IFT122: variants seen among roughly 807,000 people sequenced by gnomAD.
IFT122 encodes intraflagellar transport 122, also known as intraflagellar transport protein 122 homolog.
Under a neutral mutation model 161.6 loss-of-function variants are expected in IFT122, and 118 were observed. The observed-to-expected ratio is 0.73, with a 90% CI of 0.63 to 0.85. IFT122 has a LOEUF of 0.85. Among genes scored for constraint, IFT122 ranks in the 40% least tolerant of loss-of-function variants. IFT122 has a pLI of 0.00. For synonymous variants in IFT122, 550 were observed against 602.4 expected, an observed-to-expected ratio of 0.91 and a Z score of 1.27; for missense variants, 1,381 against 1,579.6, an observed-to-expected ratio of 0.87 and a Z score of 2.13.
chr3:129,504,156 T>G, intron 20 of IFT122, 163 bp from the exon 21 acceptor site: 1 of 646,126 alleles, frequency 1.5e-6, no homozygotes, highest in Admixed American at 2.5e-5. Flanking sequence ...AGAGCTGATT[T>G]GTTTTTGCAT....
In IFT122 at chr3:129,461,242, T is replaced by C; in HGVS notation, c.287T>C (p.Ile96Thr). 1.2e-6 allele frequency: 2 copies of C among 1,612,966 alleles called. No homozygotes were observed. Among genetic ancestry groups the C allele is most frequent in the South Asian group, 1.1e-5 (1 of 91,070 alleles). ...GILKYTHNDA[I>T]QCVSYNPITH... The stretch of plus-strand genomic sequence containing the variant: ...TTACTTCCCAGGCACAATGATGCTA[T>C]ACAATGTGTCTCCTACAATCCTATT... Residue 96 changes from isoleucine to threonine, a missense_variant, in exon 5 of 30, where the codon ATA (isoleucine) becomes ACA (threonine). Around this residue, in one of 7 missense-constraint regions of IFT122, gnomAD observed 134 missense variants for 137.4 expected, o/e 0.98. Transcript: ENST00000348417.
chr3:129,469,098 A>T (rs2077097578), intron 8 of IFT122, among the ~76,000 whole-genome samples: 2 of 152,230 alleles, frequency 1.3e-5, no homozygotes, highest in South Asian at 4.1e-4. Flanking sequence ...CCCCAGCACC[A>T]TAAGGTCATA....
chr3:129,490,438 C>T (rs770219282), intron 16 of IFT122, among the ~76,000 whole-genome samples: 14 of 152,156 alleles, frequency 9.2e-5, no homozygotes, highest in Non-Finnish European at 1.9e-4. Context: ...CCTCCCTATT[C>T]CCAGGCTTCC....
At chr3:129,477,292 C>T (rs1408456017) in intron 11 of IFT122, among the ~76,000 whole-genome samples, 1 of 152,160 alleles carries the variant, frequency 6.6e-6, no homozygotes, top group Non-Finnish European at 1.5e-5. Flanking sequence ...CCCGGCCTCG[C>T]ATAGTCATTC....
chr3:129,444,216 A>T (rs542845338), intron 1 of IFT122, among the ~76,000 whole-genome samples: 2 of 152,316 alleles, frequency 1.3e-5, no homozygotes, highest in South Asian at 2.1e-4. Flanking sequence ...TTATTCCGCC[A>T]TGCTGCTTCT....
intron 1 of IFT122, among the ~76,000 whole-genome samples, chr3:129,443,624 A>G (rs920466359): frequency 2.0e-5 from 3 of 152,256 alleles, no homozygotes; most frequent in African/African-American, 7.2e-5. Flanking sequence ...TGGGTCCACA[A>G]ATATGTAGAA....
Position 129,459,487 on chromosome 3 carries a change from C to T in IFT122, c.272+810C>T, listed in dbSNP as rs1357665329. 6 of 306,946 alleles carry T rather than the reference C, an allele frequency of 2.0e-5. No homozygotes were observed. In the Admixed American group the frequency reaches 2.8e-4, roughly 14 times the overall value. 19.0% of individuals were successfully genotyped at this position (306,946 alleles called of 1,614,324 possible). On this transcript the variant is annotated intron_variant, in intron 4 of 29. Coordinates refer to ENST00000348417, the MANE Select transcript of IFT122 (RefSeq NM_052989.3). ...TGTATTTTTAGTAGAGATGGGGTTT[C>T]ACCATGTTAGCTAGGATGGTCTCGA...
At chr3:129,513,266 G>C (rs2083055239) in intron 24 of IFT122, 1 of 152,172 alleles carries the variant, frequency 6.6e-6, no homozygotes, top group Non-Finnish European at 1.5e-5. Context: ...TGGATGTCAG[G>C]AGACATAATT....
At chr3:129,485,581 G>A (rs753553484) in intron 15 of IFT122, among the ~76,000 whole-genome samples, 16 of 152,190 alleles carry the variant, frequency 1.1e-4, no homozygotes, top group Non-Finnish European at 1.8e-4. Context: ...ACAAACCCAC[G>A]CACCACATCC....
intron 23 of IFT122, among the ~76,000 whole-genome samples, chr3:129,509,351 C>T (rs901453471): frequency 1.3e-5 from 2 of 152,156 alleles, no homozygotes; most frequent in Non-Finnish European, 1.5e-5. Flanking sequence ...GGATCAGCTT[C>T]GATGATTGCT....
At position 129,481,563 on chromosome 3, in the gene IFT122, A is replaced by G. The variant is rs1417822661; in HGVS notation, c.1522A>G (p.Ile508Val). 3 of 1,588,428 alleles carry G rather than the reference A, an allele frequency of 1.9e-6. No homozygotes were observed. Among genetic ancestry groups the G allele is most frequent in the East Asian group, 4.5e-5 (2 of 44,754 alleles). ...GATCTTCGTGGACAATCTCTTTGCT[A>G]TCGTCCTGCTGAAGCAGGCCACAGC... ...LKIFVDNLFA[I>V]VLLKQATAVR... is the part of the protein sequence containing the mutation. Residue 508 changes from isoleucine to valine, a missense_variant, in exon 14 of 30, where the codon ATC becomes GTC. Physicochemically the swap from Ile to Val is conservative, Grantham distance 29. Coordinates refer to ENST00000348417, the MANE Select transcript of IFT122 (RefSeq NM_052989.3).
At chr3:129,511,928 CTTGAG>C (rs1296331734) in intron 23 of IFT122, among the ~76,000 whole-genome samples, 1 of 152,184 alleles carries the variant, frequency 6.6e-6, no homozygotes, top group African/African-American at 2.4e-5. Flanking sequence ...TTGGAGACAA[CTTGAG>C]TAGTTCAGAG....
At chr3:129,517,442 C>G (rs2084116611) in intron 26 of IFT122, 27 bp from the exon 27 acceptor site, 1 of 1,612,174 alleles carries the variant, frequency 6.2e-7, no homozygotes, top group East Asian at 2.2e-5. Flanking sequence ...CCTCCAGCCC[C>G]CTCAGCCCTT....
intron 5 of IFT122, among the ~76,000 whole-genome samples, chr3:129,462,138 T>G (rs2076274099): frequency 6.6e-6 from 1 of 152,196 alleles, no homozygotes; most frequent in South Asian, 2.1e-4. Context: ...GAAAGCCAAT[T>G]GTATAAATAC....
chr3:129,488,655 T>C (rs1470521390), intron 16 of IFT122, among the ~76,000 whole-genome samples: 2 of 151,958 alleles, frequency 1.3e-5, no homozygotes, highest in Non-Finnish European at 2.9e-5. Context: ...GGAGGATGCC[T>C]GTAAAGCCTG....
intron 17 of IFT122, among the ~76,000 whole-genome samples, chr3:129,492,502 C>G (rs542556027): frequency 3.2e-4 from 48 of 152,288 alleles, no homozygotes; most frequent in African/African-American, 8.4e-4. Context: ...TCAGTAGGTT[C>G]TCAGGAACTG....
At chr3:129,461,478 C>A in intron 5 of IFT122, 174 bp downstream of exon 5, 1 of 669,766 alleles carries the variant, frequency 1.5e-6, no homozygotes, top group Non-Finnish European at 2.7e-6. Context: ...GAAACCAAGA[C>A]AGTGAATGGT....
At chr3:129,459,246 G>A (rs375315925) in intron 4 of IFT122, 35 of 450,966 alleles carry the variant, frequency 7.8e-5, no homozygotes, top group East Asian at 3.5e-4. Flanking sequence ...ATTGCTCATC[G>A]GCCTGTAAGT....
intron 7 of IFT122, among the ~76,000 whole-genome samples, chr3:129,465,144 TGTGTGTGTGTGTGTGTG>T (rs1222753991): frequency 1.4e-5 from 2 of 139,146 alleles, no homozygotes; most frequent in Admixed American, 7.1e-5. Context: ...TGTGTGTGTG[TGTGTGTGTGTGTGTGTG>T]GTGTGTGAGT....
Sources: allele counts gnomAD v4.1 joint callset (sites outside exome capture counted in the v4.1 genomes callset), GRCh38; gene constraint gnomAD v4.1.1; regional missense constraint gnomAD v4.1.1; transcripts MANE v1.5; gene names NCBI Gene and HGNC (gene_info 2026-07-23, HGNC 2026-07-21).